Variants in VPS35L observed in about 807,000 individuals in gnomAD.
VPS35L encodes VPS35 endosomal protein-sorting factor-like.
Under a neutral mutation model 133.0 loss-of-function variants are expected in VPS35L, and 83 were observed. The observed-to-expected ratio is 0.62, with a 90% confidence interval of 0.52 to 0.75. The LOEUF (loss-of-function observed/expected upper bound fraction) is 0.75, where lower values mean the gene tolerates loss of function less well. VPS35L is among the 30% of genes least tolerant of loss of function. VPS35L has a pLI of 0.00. For synonymous variants in VPS35L, 423 were observed against 449.9 expected, an observed-to-expected ratio of 0.94 and a Z score of 0.76; for missense variants, 1,083 against 1,206.8, an observed-to-expected ratio of 0.90 and a Z score of 1.52.
chr16:19,566,481 GAGAA>G (rs1212591652), intron 2 of VPS35L, among the ~76,000 whole-genome samples: 1 of 152,134 alleles, frequency 6.6e-6, no homozygotes, highest in African/African-American at 2.4e-5. Context: ...GGGCAACAGA[GAGAA>G]ACTCCATCTC....
intron 14 of VPS35L, among the ~76,000 whole-genome samples, chr16:19,618,636 A>G (rs1972975543): frequency 6.6e-6 from 1 of 152,168 alleles, no homozygotes; most frequent in Non-Finnish European, 1.5e-5. Flanking sequence ...AGCTCCGTTA[A>G]CAGCTGTTGT....
In VPS35L at chr16:19,650,581, G is replaced by C. The variant is rs115184142; in HGVS notation, c.2106+122G>C. ...GTCATGATAAGAATGGTTTAGTATT[G>C]ATTTTTCAGATTAATTTTTCCCTGT... is the stretch of plus-strand genomic sequence containing the variant. On this transcript the variant is annotated intron_variant, in intron 25 of 30. Transcript: ENST00000417362. 2,213 of 757,488 alleles carry C rather than the reference G, an allele frequency of 2.9e-3. 48 individuals are homozygous for C. The African/African-American group carries it at 0.034, about 12-fold the overall frequency. The allele number at this position is 757,488 out of a possible 1,614,324, so 46.9% of individuals were successfully genotyped here.
chr16:19,642,323 A>T, intron 21 of VPS35L, 73 bp from the exon 22 acceptor site: 1 of 1,335,782 alleles, frequency 7.5e-7, no homozygotes, highest in Non-Finnish European at 1.1e-6. Context: ...TGTACAGTGG[A>T]TGAAAACTGA....
chr16:19,630,706 A>G (rs1973427246), intron 18 of VPS35L, among the ~76,000 whole-genome samples: 1 of 152,084 alleles, frequency 6.6e-6, no homozygotes, highest in Non-Finnish European at 1.5e-5. Flanking sequence ...ATATGTTGAA[A>G]TCCTAGCCCC....
intron 1 of VPS35L, among the ~76,000 whole-genome samples, chr16:19,559,021 T>C (rs1403304794): frequency 1.3e-5 from 2 of 151,978 alleles, no homozygotes; most frequent in African/African-American, 2.4e-5. Flanking sequence ...AATATTGTGA[T>C]TGTGGAAGAA....
chr16:19,636,117 T>C (rs1316212074), intron 19 of VPS35L, among the ~76,000 whole-genome samples: 4 of 152,036 alleles, frequency 2.6e-5, no homozygotes, highest in Admixed American at 6.6e-5. Flanking sequence ...GCCCAGGAGG[T>C]CAAGGCTGCA....
Position 19,682,058 on chromosome 16 carries a change from T to G in VPS35L, c.2362-167T>G, listed in dbSNP as rs73539580. ...GGAATCACGTTTTGTCATTTTCCTC[T>G]GTATTGTTTAACCAGGCTTGTGAGT... On this transcript the variant is annotated intron_variant, in intron 27 of 30. Coordinates refer to ENST00000417362, the MANE Select transcript of VPS35L (RefSeq NM_020314.7). Among the ~76,000 whole-genome samples, 1,384 of 152,328 alleles carry G rather than the reference T, an allele frequency of 9.1e-3. 13 individuals are homozygous for G. The highest frequency in any genetic ancestry group is 0.031 in the African/African-American group (1,305 of 41,558).
At chr16:19,679,950 C>T (rs1168788755) in intron 27 of VPS35L, among the ~76,000 whole-genome samples, 1 of 152,214 alleles carries the variant, frequency 6.6e-6, no homozygotes, top group African/African-American at 2.4e-5. Flanking sequence ...GCTCATACTC[C>T]ACACTTGTAT....
At chr16:19,678,923 C>G (rs1024139819) in intron 27 of VPS35L, among the ~76,000 whole-genome samples, 3 of 152,108 alleles carry the variant, frequency 2.0e-5, no homozygotes, top group Admixed American at 1.3e-4. Flanking sequence ...CACTACAAAC[C>G]TTTACGTCTC....
intron 26 of VPS35L, among the ~76,000 whole-genome samples, chr16:19,658,326 T>C (rs562075288): frequency 6.6e-6 from 1 of 152,184 alleles, no homozygotes; most frequent in East Asian, 1.9e-4. Flanking sequence ...GGTCAAGAGT[T>C]CAAGACCAGC....
At chr16:19,593,253 G>A (rs964430903) in intron 8 of VPS35L, among the ~76,000 whole-genome samples, 1 of 152,172 alleles carries the variant, frequency 6.6e-6, no homozygotes, top group Non-Finnish European at 1.5e-5. Flanking sequence ...GTGCCCCACA[G>A]CAAGGCACCC....
intron 12 of VPS35L, 125 bp downstream of exon 12, chr16:19,610,540 T>G (rs1180613881): frequency 1.7e-6 from 1 of 583,658 alleles, no homozygotes; most frequent in Non-Finnish European, 2.9e-6. Flanking sequence ...TAGTGGCTAA[T>G]TTTAGATCAT....
chr16:19,656,965 T>G (rs1211593712), intron 26 of VPS35L, among the ~76,000 whole-genome samples: 1 of 145,882 alleles, frequency 6.9e-6, no homozygotes, highest in African/African-American at 2.6e-5. Context: ...AGAACTTGTT[T>G]TTTTTTTTTT....
At chr16:19,567,215 C>A (rs1281234775) in intron 2 of VPS35L, among the ~76,000 whole-genome samples, 2 of 152,160 alleles carry the variant, frequency 1.3e-5, no homozygotes, top group African/African-American at 4.8e-5. Context: ...TGATTTAACA[C>A]CCATACCATA....
chr16:19,608,822 C>A, intron 10 of VPS35L, 152 bp from the exon 11 acceptor site: 1 of 604,714 alleles, frequency 1.7e-6, no homozygotes, highest in Middle Eastern at 2.7e-4. Context: ...TATGTAGAAA[C>A]CATAAGCTAC....
At position 19,590,856 on chromosome 16, in the gene VPS35L, G is replaced by C. The variant is rs545999921; in HGVS notation, c.640-934G>C. On this transcript the variant is annotated intron_variant, in intron 7 of 30. Coordinates refer to ENST00000417362, the MANE Select transcript of VPS35L (RefSeq NM_020314.7). ...TGTAGTCCCAGCTACTCGGGAGGCTGAGGCAGGAGGATTGCTTGAGCCCAG... is the reference window on the plus strand; with the variant it reads ...TGTAGTCCCAGCTACTCGGGAGGCTCAGGCAGGAGGATTGCTTGAGCCCAG... Among the ~76,000 whole-genome samples the C allele has an allele frequency of 1.6e-4, 25 of 152,316 alleles. No individual in the cohort carries two copies. The South Asian group carries it at 2.5e-3, about 15-fold the overall frequency.
chr16:19,636,908 C>G (rs1464906159), intron 19 of VPS35L, among the ~76,000 whole-genome samples: 1 of 152,056 alleles, frequency 6.6e-6, no homozygotes, highest in African/African-American at 2.4e-5. Flanking sequence ...GTGCCACCAT[C>G]CTTGGGTAAT....
intron 21 of VPS35L, among the ~76,000 whole-genome samples, chr16:19,640,897 C>T (rs1438917737): frequency 6.6e-6 from 1 of 152,068 alleles, no homozygotes; most frequent in Non-Finnish European, 1.5e-5. Context: ...CAGGTGTGCC[C>T]CACTACAACC....
At position 19,581,521 on chromosome 16, in the gene VPS35L, A is replaced by T. The variant is rs1390867531; in HGVS notation, c.511-4A>T. ...TGCCTTCACCTTCTGCCTTCTCCCC[A>T]CAGGGTTCCCAAAAGGAGCTGTTGA... On this transcript the variant is annotated splice_polypyrimidine_tract_variant and splice_region_variant and intron_variant, in intron 6 of 30. Coordinates refer to ENST00000417362, the MANE Select transcript of VPS35L (RefSeq NM_020314.7). The T allele has an allele frequency of 2.5e-6, 4 of 1,595,096 alleles. No homozygotes were observed. In the Admixed American group the frequency reaches 5.2e-5, roughly 21 times the overall value.
Sources: gnomAD v4.1 joint callset for allele counts (sites outside exome capture counted in the v4.1 genomes callset) on GRCh38, gnomAD v4.1.1 for gene constraint, MANE v1.5 for transcripts, NCBI Gene and HGNC (gene_info 2026-07-23, HGNC 2026-07-21) for gene names.